INPP5A: variants seen among roughly 807,000 people sequenced by gnomAD.
The protein encoded by INPP5A is 43 kDa inositol polyphosphate 5-phophatase.
INPP5A carries 14 observed loss-of-function variants against 65.2 expected under a neutral mutation model. The ratio of observed to expected loss-of-function variants is 0.21; its 90% CI spans 0.14 to 0.34. The LOEUF is 0.34. Ranked by LOEUF, INPP5A falls within the 10% of genes least tolerant of loss-of-function variation. INPP5A has a pLI of 1.00. For synonymous variants in INPP5A, 207 were observed against 208.3 expected (o/e 0.99, Z 0.05); for missense variants, 431 against 545.6 (o/e 0.79, Z 2.09).
intron 1 of INPP5A, among the ~76,000 whole-genome samples, chr10:132,597,084 T>C (rs936529363): frequency 2.6e-5 from 4 of 151,828 alleles, no homozygotes; most frequent in Admixed American, 6.6e-5. Context: ...TGTGCGTGTG[T>C]GTATGTGTGC....
intron 5 of INPP5A, among the ~76,000 whole-genome samples, chr10:132,691,912 G>A (rs1219899900): frequency 6.6e-6 from 1 of 152,060 alleles, no homozygotes; most frequent in African/African-American, 2.4e-5. Flanking sequence ...CGCGGGAGAC[G>A]TGTGGTCGCG....
intron 14 of INPP5A, among the ~76,000 whole-genome samples, 171 bp downstream of exon 14, chr10:132,781,088 G>T (rs1032528567): frequency 6.6e-6 from 1 of 152,192 alleles, no homozygotes; most frequent in Non-Finnish European, 1.5e-5. Context: ...CTACAGAGTA[G>T]GCCAAGTTGG....
At chr10:132,562,714 G>A (rs563237804) in intron 1 of INPP5A, among the ~76,000 whole-genome samples, 6 of 152,342 alleles carry the variant, frequency 3.9e-5, no homozygotes, top group African/African-American at 9.6e-5. Flanking sequence ...TGTGAGGAGC[G>A]GCATGCTTCC....
chr10:132,602,928 G>A (rs2071795333), intron 1 of INPP5A, among the ~76,000 whole-genome samples: 1 of 152,158 alleles, frequency 6.6e-6, no homozygotes. Flanking sequence ...CACGATGACA[G>A]CAATTTGCTT....
At chr10:132,710,194 G>A (rs754926015) in intron 7 of INPP5A, 143 bp from the exon 8 acceptor site, 12 of 810,698 alleles carry the variant, frequency 1.5e-5, no homozygotes, top group Non-Finnish European at 2.1e-5. Flanking sequence ...AAGACAGGTG[G>A]GTGGACAGGT....
At position 132,551,377 on chromosome 10, in the gene INPP5A, G is replaced by A. The variant is rs1021105833; in HGVS notation, c.75+13206G>A. ...TAGTTAGGGGACAGGCCAGCCCACC[G>A]TCATCTGCCTGCAGCGTCCCTCCAG... On this transcript the variant is annotated intron_variant, in intron 1 of 15. Coordinates refer to ENST00000368594, the MANE Select transcript of INPP5A (RefSeq NM_005539.5). The surrounding 1 kb of genome is among the most constrained non-coding windows in gnomAD (Gnocchi z 5.3). Among the ~76,000 whole-genome samples the A allele has an allele frequency of 1.3e-5, 2 of 152,138 alleles. No homozygotes were observed. The highest frequency in any genetic ancestry group is 4.8e-5 in the African/African-American group (2 of 41,432).
Position 132,742,333 on chromosome 10 carries a change from A to G in INPP5A, c.733-7184A>G, listed in dbSNP as rs1399129857. On this transcript the variant is annotated intron_variant, in intron 9 of 15. Transcript: ENST00000368594. ...GCCCTGCAGGAGGAAGCCTTCGCACAGTGGCACCAGCTCTCAGAGGCGACA... is the reference window on the plus strand; with the variant it reads ...GCCCTGCAGGAGGAAGCCTTCGCACGGTGGCACCAGCTCTCAGAGGCGACA... Among the ~76,000 whole-genome samples the G allele has an allele frequency of 2.0e-5, 3 of 152,236 alleles. No homozygotes were observed. In the East Asian group the frequency reaches 5.8e-4, roughly 29 times the overall value.
At chr10:132,584,918 G>A (rs2071529030) in intron 1 of INPP5A, among the ~76,000 whole-genome samples, 1 of 152,112 alleles carries the variant, frequency 6.6e-6, no homozygotes, top group African/African-American at 2.4e-5. Flanking sequence ...TAGAGATGGG[G>A]GTTTCACTGT....
chr10:132,559,208 G>A (rs1162109291), intron 1 of INPP5A, among the ~76,000 whole-genome samples: 1 of 152,216 alleles, frequency 6.6e-6, no homozygotes, highest in Non-Finnish European at 1.5e-5. Flanking sequence ...CTTCGGAGCT[G>A]TGGCAGCTCT....
rs5789135 is a variant in INPP5A, at chr10:132,666,054, CAAAAAA to C, written c.306+15560_306+15565del. ...TGGGCAACAGAGCAAGATCCTGTCT[CAAAAAA>C]AAAAAAAAAAGAGAAGAATGATATA... On this transcript the variant is annotated intron_variant, in intron 4 of 15. Coordinates refer to ENST00000368594, the MANE Select transcript of INPP5A (RefSeq NM_005539.5). 3.2e-3 allele frequency among the ~76,000 whole-genome samples: 437 copies of C among 136,184 alleles called. 2 individuals are homozygous for C. The highest frequency in any genetic ancestry group is 0.012 in the African/African-American group (425 of 36,506). The allele number at this position is 136,184 out of a possible 152,430, so 89.3% of individuals were successfully genotyped here.
At chr10:132,589,967 T>C (rs1171022490) in intron 1 of INPP5A, among the ~76,000 whole-genome samples, 1 of 152,194 alleles carries the variant, frequency 6.6e-6, no homozygotes, top group Admixed American at 6.5e-5. Context: ...GGCACCGATG[T>C]GCAATGCCAT....
At chr10:132,660,085 G>A (rs2072716263) in intron 4 of INPP5A, among the ~76,000 whole-genome samples, 1 of 152,262 alleles carries the variant, frequency 6.6e-6, no homozygotes, top group Non-Finnish European at 1.5e-5. Context: ...GCCAATGCGT[G>A]ACACACGGCA....
intron 12 of INPP5A, among the ~76,000 whole-genome samples, chr10:132,773,091 T>C (rs1846985748): frequency 6.6e-6 from 1 of 152,260 alleles, no homozygotes; most frequent in Non-Finnish European, 1.5e-5. Context: ...TGGAGGCCTC[T>C]GGGCTGTGGG....
rs57694482 is a variant in INPP5A, at chr10:132,768,174, G to A, written c.977+2328G>A. Among the ~76,000 whole-genome samples the A allele has an allele frequency of 2.3e-5, 3 of 131,226 alleles. 1 individual carries two copies. In the South Asian group the frequency reaches 7.8e-4, roughly 34 times the overall value. The allele number at this position is 131,226 out of a possible 152,430, so 86.1% of individuals were successfully genotyped here. A position where few individuals can be genotyped will look rare whatever the true frequency, so the allele number is the denominator to read the frequency against. On this transcript the variant is annotated intron_variant, in intron 12 of 15. Coordinates refer to ENST00000368594, the MANE Select transcript of INPP5A (RefSeq NM_005539.5). ...GATCCATGGATCCCTGACCCTCAGCGTTCCCAGGGTGCCCATGTGCCCAGT... is the reference window on the plus strand; with the variant it reads ...GATCCATGGATCCCTGACCCTCAGCATTCCCAGGGTGCCCATGTGCCCAGT...
intron 6 of INPP5A, among the ~76,000 whole-genome samples, chr10:132,702,261 C>A (rs933811711): frequency 6.6e-6 from 1 of 152,186 alleles, no homozygotes; most frequent in South Asian, 2.1e-4. Context: ...ATCTTAGAAT[C>A]CTAAAACTAC....
chr10:132,688,919 A>T (rs1032646362), intron 4 of INPP5A, among the ~76,000 whole-genome samples: 2 of 151,534 alleles, frequency 1.3e-5, no homozygotes, highest in South Asian at 4.2e-4. Context: ...AGTGTGCATG[A>T]GTGCATGTGT....
chr10:132,781,638 T>C (rs1847163116), intron 14 of INPP5A, among the ~76,000 whole-genome samples: 1 of 152,198 alleles, frequency 6.6e-6, no homozygotes, highest in Admixed American at 6.5e-5. Context: ...AAACCTCTCA[T>C]GGCCGGCCTG....
chr10:132,592,404 ATGTT>A (rs55925235), intron 1 of INPP5A, among the ~76,000 whole-genome samples: 35,848 of 151,716 alleles, frequency 0.24, 4,987 homozygotes, highest in East Asian at 0.46. Flanking sequence ...TGGGGCAAAA[ATGTT>A]TGTTTGTTTG....
intron 2 of INPP5A, among the ~76,000 whole-genome samples, chr10:132,624,531 C>T (rs2072154891): frequency 6.6e-6 from 1 of 152,122 alleles, no homozygotes; most frequent in South Asian, 2.1e-4. Flanking sequence ...GGCGTGTCTG[C>T]ACTTCCCACT....
Sources: allele counts gnomAD v4.1 joint callset (sites outside exome capture counted in the v4.1 genomes callset), GRCh38; gene constraint gnomAD v4.1.1; non-coding constraint Gnocchi (gnomAD v3.1); transcripts MANE v1.5; gene names NCBI Gene and HGNC (gene_info 2026-07-23, HGNC 2026-07-21).